Variants in PHF10 observed in about 807,000 individuals in gnomAD.
PHF10 encodes BRG1-associated factor 45a.
PHF10 carries 51 observed loss-of-function variants against 68.5 expected under a neutral mutation model. The observed-to-expected ratio is 0.74, with a 90% CI of 0.59 to 0.94. PHF10 has a LOEUF of 0.94. Ranked by LOEUF, PHF10 falls within the 40% of genes least tolerant of loss-of-function variation. The pLI, the probability that PHF10 is intolerant of heterozygous loss-of-function variation, is 0.00. For missense variants in PHF10, 460 were observed against 602.6 expected (o/e 0.76, Z 2.48); for synonymous variants, 204 against 203.5 (o/e 1.00, Z -0.02).
chr6:169,705,328 C>G lies in PHF10; in HGVS notation c.1223-7G>C, dbSNP rs1408968108. 1 of 1,594,362 alleles carries G rather than the reference C, an allele frequency of 6.3e-7. No individual in the cohort carries two copies. The highest frequency in any genetic ancestry group is 1.7e-5 in the Admixed American group (1 of 57,672). On this transcript the variant is annotated splice_region_variant and splice_polypyrimidine_tract_variant and intron_variant, in intron 10 of 11. Coordinates refer to ENST00000339209, the MANE Select transcript of PHF10 (RefSeq NM_018288.4). ...TCCAGGCAAGAAGGATGGCCTAAAT[C>G]AAAACCAGTATTAGTGGTATCTCAC... is the stretch of plus-strand genomic sequence containing the variant.
intron 11 of PHF10, chr6:169,704,863 T>C (rs968849900): frequency 2.4e-5 from 8 of 330,406 alleles, no homozygotes; most frequent in Non-Finnish European, 4.6e-5. Context: ...TTTGTTACTT[T>C]AGTATTTCAG....
Position 169,712,478 on chromosome 6 carries a change from C to T in PHF10, c.865G>A (p.Asp289Asn). ...CTGTCTAGAGCAGGGAGCTCAGGAT[C>T]CAGAGGGGGCTCATACAGGGCTGTG... Reference protein sequence around the residue: ...LNTALYEPPLDPELPALDSDG... With the variant: ...LNTALYEPPLNPELPALDSDG... The change falls in exon 8 of 12, where the codon GAT becomes AAT. Residue 289 changes from aspartate to asparagine, a missense_variant. Transcript: ENST00000339209. The T allele has an allele frequency of 6.2e-7, 1 of 1,613,724 alleles. No individual in the cohort carries two copies. The highest frequency in any genetic ancestry group is 1.3e-5 in the African/African-American group (1 of 75,038).
intron 10 of PHF10, 50 bp downstream of exon 10, chr6:169,705,566 A>AAC (rs748518201): frequency 5.0e-6 from 5 of 992,052 alleles, no homozygotes; most frequent in Non-Finnish European, 8.1e-6. Flanking sequence ...CTAGTTTTTG[A>AAC]ACCAATAAAT....
chr6:169,722,764 G>A (rs966189995), intron 1 of PHF10, among the ~76,000 whole-genome samples: 1 of 152,194 alleles, frequency 6.6e-6, no homozygotes, highest in Non-Finnish European at 1.5e-5. Context: ...AATCAGAGAT[G>A]TGCCTTCCAG....
chr6:169,723,517 C>G (rs1338537329), intron 1 of PHF10, among the ~76,000 whole-genome samples: 1 of 152,226 alleles, frequency 6.6e-6, no homozygotes, highest in African/African-American at 2.4e-5. Context: ...CAGGCCCCTC[C>G]GAGGCCAACT....
At chr6:169,719,000 T>C in intron 2 of PHF10, 82 bp from the exon 3 acceptor site, 1 of 913,030 alleles carries the variant, frequency 1.1e-6, no homozygotes, top group South Asian at 1.6e-5. Flanking sequence ...TTTTGAAAAC[T>C]ATTTTAAGTA....
chr6:169,706,972 G>GT (rs1402858021), intron 9 of PHF10: 1 of 151,978 alleles, frequency 6.6e-6, no homozygotes, highest in African/African-American at 2.4e-5. Context: ...TAAACAATTT[G>GT]TTCTTAAGTT....
In PHF10 at chr6:169,706,206, T is replaced by C. The variant is rs540620382; in HGVS notation, c.1114-482A>G. On this transcript the variant is annotated intron_variant, in intron 9 of 11. Transcript: ENST00000339209. The stretch of plus-strand genomic sequence containing the variant: ...AAGTTAAAAAATCAGCTTATCCTCA[T>C]TGGTATAGTGGTATTTAAAAAAAAA... Among the ~76,000 whole-genome samples, 15 of 152,278 alleles carry C rather than the reference T, an allele frequency of 9.9e-5. No homozygotes were observed. In the South Asian group the frequency reaches 3.1e-3, roughly 32 times the overall value.
chr6:169,714,610 A>C, intron 7 of PHF10, 123 bp downstream of exon 7: 1 of 675,918 alleles, frequency 1.5e-6, no homozygotes. Context: ...ATAGCAACAC[A>C]AATCCTATAC....
At chr6:169,722,418 G>A (rs1789201440) in intron 1 of PHF10, among the ~76,000 whole-genome samples, 1 of 152,038 alleles carries the variant, frequency 6.6e-6, no homozygotes, top group Non-Finnish European at 1.5e-5. Context: ...TATTTTACTG[G>A]TGAGCATTTT....
intron 8 of PHF10, among the ~76,000 whole-genome samples, chr6:169,711,183 A>G (rs1788919747): frequency 6.6e-6 from 1 of 151,928 alleles, no homozygotes; most frequent in Admixed American, 6.6e-5. Flanking sequence ...CCCCTACCTC[A>G]TTGTGCCCTC....
Position 169,717,768 on chromosome 6 carries a change from G to A in PHF10, c.409+55C>T. 8.2e-6 allele frequency: 6 copies of A among 733,258 alleles called. No homozygotes were observed. The Admixed American group carries it at 8.7e-5, about 11-fold the overall frequency. 45.4% of individuals were successfully genotyped at this position (733,258 alleles called of 1,614,324 possible). A position where few individuals can be genotyped will look rare whatever the true frequency, so the allele number is the denominator to read the frequency against. On this transcript the variant is annotated intron_variant, in intron 4 of 11. Coordinates refer to ENST00000339209, the MANE Select transcript of PHF10 (RefSeq NM_018288.4). ...TTTTAGGAAATAAGATACTTATCTA[G>A]TATTATCTCATAAATGTTCAGCTTG...
chr6:169,706,547 G>GA (rs1392082858), intron 9 of PHF10, among the ~76,000 whole-genome samples: 4 of 152,026 alleles, frequency 2.6e-5, no homozygotes, highest in African/African-American at 9.7e-5. Flanking sequence ...AATGACAAAG[G>GA]AAAAAGGGTT....
chr6:169,714,323 T>C (rs1470520494), intron 7 of PHF10, among the ~76,000 whole-genome samples: 1 of 152,230 alleles, frequency 6.6e-6, no homozygotes, highest in Non-Finnish European at 1.5e-5. Flanking sequence ...TCTCAAACTC[T>C]AACCTGCACA....
intron 9 of PHF10, among the ~76,000 whole-genome samples, chr6:169,706,660 G>A (rs1013100893): frequency 2.7e-5 from 4 of 150,730 alleles, no homozygotes; most frequent in Non-Finnish European, 5.9e-5. Context: ...GTAAATAACA[G>A]TGGTAAAAAA....
At chr6:169,713,506 A>C (rs1322451899) in intron 7 of PHF10, among the ~76,000 whole-genome samples, 1 of 151,790 alleles carries the variant, frequency 6.6e-6, no homozygotes, top group African/African-American at 2.4e-5. Context: ...AAGCTGAAGC[A>C]GGAGAATCAC....
chr6:169,715,685 G>C, intron 6 of PHF10, 23 bp downstream of exon 6: 4 of 1,599,190 alleles, frequency 2.5e-6, no homozygotes, highest in Non-Finnish European at 3.4e-6. Flanking sequence ...AGTTCAGGGG[G>C]TACTAAATTT....
chr6:169,705,869 C>CT (rs1304935223), intron 9 of PHF10, 145 bp from the exon 10 acceptor site: 50 of 631,490 alleles, frequency 7.9e-5, no homozygotes, highest in Non-Finnish European at 1.3e-4. Context: ...TGACAGGAGT[C>CT]TGCCTACAAT....
rs1789254288 is a variant in PHF10 at position 169,723,947 on chromosome 6, G to GC, written c.-17dup. The GC allele has an allele frequency of 2.3e-6, 2 of 883,288 alleles. No individual in the cohort carries two copies. The highest frequency in any genetic ancestry group is 1.9e-5 in the African/African-American group (1 of 53,754). The allele number at this position is 883,288 out of a possible 1,614,324, so 54.7% of individuals were successfully genotyped here. ...CCGCCGCCATCAGCCCGAGCGCCCC[G>GC]CGCCGCCGCCGCCGCCGTCGCCTCC... On this transcript the variant is annotated 5_prime_UTR_variant, in exon 1 of 12. Transcript: ENST00000339209.
Sources: allele counts gnomAD v4.1 joint callset (sites outside exome capture counted in the v4.1 genomes callset), GRCh38; gene constraint gnomAD v4.1.1; transcripts MANE v1.5; gene names NCBI Gene and HGNC (gene_info 2026-07-23, HGNC 2026-07-21).